The following ARID1B variants were observed in gnomAD, a reference collection of about 807,000 sequenced individuals.
The protein encoded by ARID1B is AT-rich interactive domain-containing protein 1B.
Under a neutral mutation model 212.3 loss-of-function variants are expected in ARID1B, and 30 were observed. The ratio of observed to expected loss-of-function variants is 0.14; its 90% CI spans 0.11 to 0.19. ARID1B has a LOEUF of 0.19. Ranked by LOEUF, ARID1B falls within the 10% of genes least tolerant of loss-of-function variation. The pLI is 1.00. For synonymous variants in ARID1B, 1,402 were observed against 1,301.7 expected, an observed-to-expected ratio of 1.08 and a Z score of -1.66; for missense variants, 2,891 against 3,204.0, an observed-to-expected ratio of 0.90 and a Z score of 2.36.
intron 19 of ARID1B, 27 bp downstream of exon 19, chr6:157,204,023 C>T: frequency 6.2e-7 from 1 of 1,613,374 alleles, no homozygotes; most frequent in Non-Finnish European, 8.5e-7. Context: ...CAACTAACAA[C>T]CAAATTAGGA....
intron 4 of ARID1B, among the ~76,000 whole-genome samples, chr6:157,084,322 A>G (rs569955706): frequency 5.7e-4 from 87 of 152,260 alleles, no homozygotes; most frequent in African/African-American, 2.0e-3. Context: ...TTCCATTCCT[A>G]TGGTAAGTCA....
At chr6:157,095,386 C>A (rs551907605) in intron 5 of ARID1B, among the ~76,000 whole-genome samples, 3 of 152,268 alleles carry the variant, frequency 2.0e-5, no homozygotes, top group African/African-American at 7.2e-5. Context: ...TTATGCACAG[C>A]CAAGGCTGAG....
intron 3 of ARID1B, among the ~76,000 whole-genome samples, chr6:156,907,880 C>T (rs1789533663): frequency 1.3e-5 from 2 of 149,746 alleles, no homozygotes; most frequent in African/African-American, 2.5e-5. Context: ...TGCACTGCAG[C>T]CTGGGCGACA....
chr6:157,192,584 A>G (rs1793458992), intron 15 of ARID1B, among the ~76,000 whole-genome samples: 1 of 152,210 alleles, frequency 6.6e-6, no homozygotes, highest in Non-Finnish European at 1.5e-5. Context: ...ACATAACCCC[A>G]TCTTAAATTG....
intron 4 of ARID1B, among the ~76,000 whole-genome samples, chr6:157,057,003 T>G (rs1783002428): frequency 7.0e-6 from 1 of 143,668 alleles, no homozygotes; most frequent in Non-Finnish European, 1.5e-5. Flanking sequence ...CCCAGTTGTT[T>G]GAATTTTTTT....
chr6:156,829,192 G>T (rs1562417393), intron 1 of ARID1B, 35 bp from the exon 2 acceptor site: 2 of 1,551,840 alleles, frequency 1.3e-6, no homozygotes, highest in Admixed American at 1.8e-5. Flanking sequence ...AATAAAGAAT[G>T]AATTAATAAA....
Position 157,200,313 on chromosome 6 carries a change from C to A in ARID1B, c.4480-392C>A, listed in dbSNP as rs1053676549. ...CTTTTACCCCAAGACCCTTTCAGGC[C>A]GGCCCCTGGATGCTGGCTTTCCTGT... On this transcript the variant is annotated intron_variant, in intron 17 of 19. Coordinates refer to ENST00000636930, the MANE Select transcript of ARID1B (RefSeq NM_001374828.1). This position sits in a 1 kb window ranked among gnomAD's most constrained non-coding sequence, Gnocchi z 4.3. 3.3e-5 allele frequency among the ~76,000 whole-genome samples: 5 copies of A among 152,122 alleles called. No homozygotes were observed. Among genetic ancestry groups the A allele is most frequent in the African/African-American group, 1.2e-4 (5 of 41,416 alleles).
At chr6:156,806,652 C>T (rs570571547) in intron 1 of ARID1B, among the ~76,000 whole-genome samples, 6 of 152,282 alleles carry the variant, frequency 3.9e-5, no homozygotes, top group Non-Finnish European at 8.8e-5. Flanking sequence ...GCTAAGGACA[C>T]GACTTTATTT....
chr6:156,794,570 C>CT lies in ARID1B; in HGVS notation c.1791+15125dup, dbSNP rs34848808. ...CATGAACCATGGAGCCTGGCACATT[C>CT]TTTTTTTTTTTTTTTTTTTTTTTTT... On this transcript the variant is annotated intron_variant, in intron 1 of 19. Transcript: ENST00000636930. 7.3e-3 allele frequency among the ~76,000 whole-genome samples: 494 copies of CT among 67,966 alleles called. 8 individuals are homozygous for CT. Among genetic ancestry groups the CT allele is most frequent in the Middle Eastern group, 0.024 (2 of 84 alleles). The allele number at this position is 67,966 out of a possible 152,430, so 44.6% of individuals were successfully genotyped here. A position where few individuals can be genotyped will look rare whatever the true frequency, so the allele number is the denominator to read the frequency against.
intron 4 of ARID1B, among the ~76,000 whole-genome samples, chr6:157,020,884 G>C (rs1780193513): frequency 6.6e-6 from 1 of 152,170 alleles, no homozygotes; most frequent in Non-Finnish European, 1.5e-5. Context: ...AAGTAACCTG[G>C]AACTTATGGC....
intron 2 of ARID1B, among the ~76,000 whole-genome samples, chr6:156,832,598 C>A (rs781730450): frequency 6.6e-6 from 1 of 152,146 alleles, no homozygotes; most frequent in Admixed American, 6.5e-5. Flanking sequence ...TGCCCACTTA[C>A]CAGCTGAGTG....
intron 3 of ARID1B, among the ~76,000 whole-genome samples, chr6:156,925,982 T>G (rs2128247510): frequency 6.6e-6 from 1 of 152,320 alleles, no homozygotes; most frequent in East Asian, 1.9e-4. Context: ...ACTAAGCTGT[T>G]TGGAGTCATA....
At chr6:156,846,755 G>A (rs142217296) in intron 2 of ARID1B, among the ~76,000 whole-genome samples, 1 of 152,282 alleles carries the variant, frequency 6.6e-6, no homozygotes, top group African/African-American at 2.4e-5. Flanking sequence ...CTCGCCTGCT[G>A]TGGCCCCTCC....
intron 2 of ARID1B, among the ~76,000 whole-genome samples, chr6:156,883,719 T>A (rs936787939): frequency 6.6e-6 from 1 of 151,996 alleles, no homozygotes; most frequent in Non-Finnish European, 1.5e-5. Flanking sequence ...ACTCTTGACT[T>A]CTTCTGAGAG....
chr6:156,994,186 C>T (rs1450883615), intron 4 of ARID1B, among the ~76,000 whole-genome samples: 1 of 152,086 alleles, frequency 6.6e-6, no homozygotes, highest in Non-Finnish European at 1.5e-5. Flanking sequence ...GTTTTTTGCC[C>T]TTAATGAAGG....
chr6:157,164,134 A>T (rs1222269436), intron 8 of ARID1B, among the ~76,000 whole-genome samples: 1 of 152,202 alleles, frequency 6.6e-6, no homozygotes, highest in Non-Finnish European at 1.5e-5. Flanking sequence ...GTTCTGGTGT[A>T]AAAAACTGAA....
intron 9 of ARID1B, among the ~76,000 whole-genome samples, chr6:157,171,001 G>A (rs760350653): frequency 2.0e-5 from 3 of 152,192 alleles, no homozygotes; most frequent in Admixed American, 6.5e-5. Flanking sequence ...GAAAAGAACT[G>A]TGCATTTCTG....
At chr6:156,919,282 G>GT (rs944504583) in intron 3 of ARID1B, among the ~76,000 whole-genome samples, 21 of 151,664 alleles carry the variant, frequency 1.4e-4, no homozygotes, top group African/African-American at 5.1e-4. Context: ...AACTTTCAGT[G>GT]TTTTTTTAAT....
intron 6 of ARID1B, among the ~76,000 whole-genome samples, chr6:157,125,077 G>A (rs1359150970): frequency 7.9e-5 from 12 of 152,204 alleles, no homozygotes; most frequent in African/African-American, 2.4e-4. Flanking sequence ...TGGTGACTGC[G>A]TGTCCAGGGT....
Sources: allele counts gnomAD v4.1 joint callset (sites outside exome capture counted in the v4.1 genomes callset), GRCh38; gene constraint gnomAD v4.1.1; non-coding constraint Gnocchi (gnomAD v3.1); transcripts MANE v1.5; gene names NCBI Gene and HGNC (gene_info 2026-07-23, HGNC 2026-07-21).